STXBP5: variants seen among roughly 807,000 people sequenced by gnomAD.
The protein encoded by STXBP5 is syntaxin-binding protein 5.
STXBP5 carries 50 observed loss-of-function variants against 152.4 expected under a neutral mutation model. The ratio of observed to expected loss-of-function variants is 0.33; its 90% CI spans 0.26 to 0.42. STXBP5 has a LOEUF of 0.42. Among genes scored for constraint, STXBP5 ranks in the 10% least tolerant of loss-of-function variants. The pLI, the probability that STXBP5 is intolerant of heterozygous loss-of-function variation, is 1.00. For synonymous variants in STXBP5, 492 were observed against 494.7 expected (o/e 0.99, Z 0.07); for missense variants, 1,167 against 1,388.6 (o/e 0.84, Z 2.54).
intron 6 of STXBP5, among the ~76,000 whole-genome samples, chr6:147,266,283 G>T (rs1365769976): frequency 6.6e-6 from 1 of 152,014 alleles, no homozygotes; most frequent in African/African-American, 2.4e-5. Flanking sequence ...GTTTTAAACA[G>T]AAGCATACAT....
intron 2 of STXBP5, among the ~76,000 whole-genome samples, chr6:147,207,529 A>G (rs1582782330): frequency 1.3e-5 from 2 of 152,288 alleles, no homozygotes; most frequent in South Asian, 4.1e-4. Flanking sequence ...GAACTCAGTG[A>G]TCAAGACCAT....
intron 19 of STXBP5, among the ~76,000 whole-genome samples, chr6:147,337,043 T>A (rs1783858201): frequency 1.3e-5 from 2 of 152,072 alleles, no homozygotes; most frequent in South Asian, 4.1e-4. Flanking sequence ...TAATTCTGCC[T>A]ACTGAACATA....
At chr6:147,231,417 T>C (rs967108579) in intron 2 of STXBP5, among the ~76,000 whole-genome samples, 4 of 151,834 alleles carry the variant, frequency 2.6e-5, no homozygotes, top group Admixed American at 6.6e-5. Flanking sequence ...TCAGATAAAT[T>C]AACTGATTTG....
intron 7 of STXBP5, among the ~76,000 whole-genome samples, chr6:147,273,952 A>G (rs1370242660): frequency 6.6e-6 from 1 of 150,930 alleles, no homozygotes; most frequent in Non-Finnish European, 1.5e-5. Flanking sequence ...ACTCTGGCAA[A>G]AAAAAAAAAA....
intron 9 of STXBP5, 51 bp downstream of exon 9, chr6:147,291,223 G>GCCTTC: frequency 2.8e-6 from 4 of 1,403,514 alleles, no homozygotes; most frequent in Non-Finnish European, 4.0e-6. Context: ...TCCTCAAATA[G>GCCTTC]CATGGAAGGC....
chr6:147,371,401 C>G (rs983054229), intron 25 of STXBP5, among the ~76,000 whole-genome samples: 1 of 152,078 alleles, frequency 6.6e-6, no homozygotes, highest in Non-Finnish European at 1.5e-5. Context: ...AGATAAATGA[C>G]TTGTGTATTT....
chr6:147,366,396 A>G (rs1785292135), intron 25 of STXBP5, among the ~76,000 whole-genome samples: 1 of 152,246 alleles, frequency 6.6e-6, no homozygotes, highest in African/African-American at 2.4e-5. Context: ...GGCTAAAACC[A>G]GTAGAAAATT....
At chr6:147,298,299 A>G (rs1281403335) in intron 9 of STXBP5, among the ~76,000 whole-genome samples, 1 of 152,042 alleles carries the variant, frequency 6.6e-6, no homozygotes, top group East Asian at 1.9e-4. Flanking sequence ...GGATTTAAGA[A>G]TTACAAATAT....
At chr6:147,373,122 T>G (rs1262436074) in intron 25 of STXBP5, among the ~76,000 whole-genome samples, 2 of 152,118 alleles carry the variant, frequency 1.3e-5, no homozygotes, top group Non-Finnish European at 2.9e-5. Flanking sequence ...TGTACAGCAC[T>G]TTGGGAGGCT....
At chr6:147,346,675 G>A (rs1004742489) in intron 21 of STXBP5, among the ~76,000 whole-genome samples, 26 of 152,032 alleles carry the variant, frequency 1.7e-4, no homozygotes, top group Admixed American at 5.9e-4. Context: ...AGGCGGCGGA[G>A]GTTGCAGTGA....
chr6:147,355,733 TGTA>T (rs1784786999), intron 22 of STXBP5, among the ~76,000 whole-genome samples: 1 of 152,156 alleles, frequency 6.6e-6, no homozygotes. Context: ...AAGGTAGTTA[TGTA>T]GATTCAATAA....
At chr6:147,229,601 T>C (rs1562423552) in intron 2 of STXBP5, among the ~76,000 whole-genome samples, 1 of 151,990 alleles carries the variant, frequency 6.6e-6, no homozygotes, top group Non-Finnish European at 1.5e-5. Flanking sequence ...CGGATAAATT[T>C]ATTTTTAAAT....
chr6:147,331,805 TAAA>T (rs758010688), intron 18 of STXBP5, among the ~76,000 whole-genome samples: 1 of 115,402 alleles, frequency 8.7e-6, no homozygotes, highest in Non-Finnish European at 1.8e-5. Flanking sequence ...TTCTACCAGT[TAAA>T]AAAAAAAAAA....
At position 147,388,573 on chromosome 6, in the gene STXBP5, A is replaced by C. The variant is rs1342000230; in HGVS notation, c.*3818A>C. 1 of 151,532 alleles carries C rather than the reference A, an allele frequency of 6.6e-6. No homozygotes were observed. Among genetic ancestry groups the C allele is most frequent in the Non-Finnish European group, 1.5e-5 (1 of 67,610 alleles). 9.4% of individuals were successfully genotyped at this position (151,532 alleles called of 1,614,324 possible). On this transcript the variant is annotated 3_prime_UTR_variant, in exon 28 of 28. Coordinates refer to ENST00000321680, the MANE Select transcript of STXBP5 (RefSeq NM_001127715.4). ...GTTATGTTTTACGCTTATAATAAGA[A>C]ATACTGGTATCTCATATCGAGATAC...
chr6:147,344,580 T>C (rs1784235922), intron 21 of STXBP5, among the ~76,000 whole-genome samples: 1 of 152,214 alleles, frequency 6.6e-6, no homozygotes, highest in Non-Finnish European at 1.5e-5. Flanking sequence ...TGCATTCTCA[T>C]TGTATGCCCA....
At chr6:147,314,086 T>C in intron 12 of STXBP5, 55 bp downstream of exon 12, 3 of 1,518,358 alleles carry the variant, frequency 2.0e-6, no homozygotes, top group Non-Finnish European at 2.7e-6. Flanking sequence ...ATTCTATATT[T>C]ATCACCTTGG....
chr6:147,271,929 G>T (rs981479793), intron 7 of STXBP5, among the ~76,000 whole-genome samples: 2 of 152,072 alleles, frequency 1.3e-5, no homozygotes, highest in Non-Finnish European at 2.9e-5. Flanking sequence ...AGGTGAAAAA[G>T]GGTATCATTC....
At chr6:147,208,539 T>C (rs1187922374) in intron 2 of STXBP5, among the ~76,000 whole-genome samples, 1 of 152,174 alleles carries the variant, frequency 6.6e-6, no homozygotes, top group Admixed American at 6.5e-5. Flanking sequence ...CCTATTGTAA[T>C]TGGTTTCTTT....
intron 26 of STXBP5, among the ~76,000 whole-genome samples, chr6:147,375,599 G>A (rs144690092): frequency 8.0e-4 from 121 of 150,904 alleles, no homozygotes; most frequent in African/African-American, 2.8e-3. Flanking sequence ...AAATAGGAAG[G>A]ACTGCAAAGA....
Sources: allele counts gnomAD v4.1 joint callset (sites outside exome capture counted in the v4.1 genomes callset), GRCh38; gene constraint gnomAD v4.1.1; transcripts MANE v1.5; gene names NCBI Gene and HGNC (gene_info 2026-07-23, HGNC 2026-07-21).